The following CTNNA3 variants were observed in gnomAD, a reference collection of about 807,000 sequenced individuals.
CTNNA3 encodes the protein catenin alpha 3.
In CTNNA3, 76 loss-of-function variants were observed where a neutral mutation model predicts 95.7. That is an observed-to-expected ratio of 0.79 (90% CI 0.66 to 0.96). CTNNA3 has a LOEUF of 0.96. CTNNA3 is among the 40% of genes least tolerant of loss of function. The probability of loss-of-function intolerance (pLI) is 0.00; values close to 1 mark genes in which losing one functional copy is unlikely to be tolerated. For missense variants in CTNNA3, 1,191 were observed against 1,089.8 expected (o/e 1.09, Z -1.31); for synonymous variants, 431 against 374.4 (o/e 1.15, Z -1.74).
chr10:66,824,732 C>T (rs1307064136), intron 7 of CTNNA3, among the ~76,000 whole-genome samples: 1 of 152,106 alleles, frequency 6.6e-6, no homozygotes, highest in Non-Finnish European at 1.5e-5. Context: ...CTAACCAGTA[C>T]TCTTCAAAAC....
intron 14 of CTNNA3, among the ~76,000 whole-genome samples, chr10:66,080,216 T>C (rs1458744611): frequency 2.0e-5 from 3 of 152,292 alleles, no homozygotes; most frequent in Middle Eastern, 3.4e-3. Flanking sequence ...TCTGCATTTC[T>C]GATCTCGATC....
intron 11 of CTNNA3, among the ~76,000 whole-genome samples, chr10:66,503,308 C>T (rs962078941): frequency 6.6e-6 from 1 of 151,976 alleles, no homozygotes; most frequent in Admixed American, 6.6e-5. Flanking sequence ...TAGGTGCTCA[C>T]CAAATATTTG....
intron 10 of CTNNA3, among the ~76,000 whole-genome samples, chr10:66,549,137 G>T (rs1279619165): frequency 6.6e-6 from 1 of 151,722 alleles, no homozygotes; most frequent in Non-Finnish European, 1.5e-5. Flanking sequence ...TACAGTACAG[G>T]CGCCCGCCAC....
At chr10:67,535,503 T>A (rs930864188) in intron 4 of CTNNA3, among the ~76,000 whole-genome samples, 1 of 152,072 alleles carries the variant, frequency 6.6e-6, no homozygotes, top group Admixed American at 6.6e-5. Flanking sequence ...AGACCTGGAT[T>A]AGGAGTAGTT....
At chr10:67,706,048 G>C (rs183889339) in intron 1 of CTNNA3, among the ~76,000 whole-genome samples, 1 of 152,242 alleles carries the variant, frequency 6.6e-6, no homozygotes, top group African/African-American at 2.4e-5. Context: ...ATGGCATGCA[G>C]GGGAGGGAAA....
rs1311963505 is a variant in CTNNA3, at chr10:66,360,768, CTT to C, written c.1732+18382_1732+18383del. ...TCTTCCTTCCTTCCTTCCTTCCTTC[CTT>C]TTCTTTCTTTCTTTCTTCCTTCCTT... is the stretch of plus-strand genomic sequence containing the variant. On this transcript the variant is annotated intron_variant, in intron 12 of 17. Coordinates refer to ENST00000433211, the MANE Select transcript of CTNNA3 (RefSeq NM_013266.4). Among the ~76,000 whole-genome samples, 5 of 62,538 alleles carry C rather than the reference CTT, an allele frequency of 8.0e-5. 1 individual carries two copies. The highest frequency in any genetic ancestry group is 1.3e-3 in the East Asian group (1 of 744). The allele number at this position is 62,538 out of a possible 152,430, so 41.0% of individuals were successfully genotyped here. A position where few individuals can be genotyped will look rare whatever the true frequency, so the allele number is the denominator to read the frequency against.
intron 15 of CTNNA3, among the ~76,000 whole-genome samples, chr10:66,028,928 C>T (rs1273386528): frequency 1.3e-5 from 2 of 151,112 alleles, no homozygotes; most frequent in Non-Finnish European, 3.0e-5. Flanking sequence ...AGTGAAAGAA[C>T]AACAAAAAAT....
At chr10:67,484,512 G>A (rs1325306797) in intron 5 of CTNNA3, among the ~76,000 whole-genome samples, 1 of 152,152 alleles carries the variant, frequency 6.6e-6, no homozygotes, top group Non-Finnish European at 1.5e-5. Flanking sequence ...AGAGCAGACA[G>A]ACAATCTACA....
intron 11 of CTNNA3, among the ~76,000 whole-genome samples, chr10:66,388,361 T>G (rs1055364418): frequency 1.3e-5 from 2 of 152,262 alleles, no homozygotes; most frequent in South Asian, 4.1e-4. Context: ...TTGTACAAAC[T>G]ATTTTTTCCC....
intron 5 of CTNNA3, among the ~76,000 whole-genome samples, chr10:67,452,858 G>A (rs1235528641): frequency 6.6e-6 from 1 of 152,202 alleles, no homozygotes; most frequent in Non-Finnish European, 1.5e-5. Context: ...TCAGGGGTCA[G>A]GGGGTAGTTG....
intron 7 of CTNNA3, among the ~76,000 whole-genome samples, chr10:67,096,021 AT>A (rs1310139382): frequency 6.6e-6 from 1 of 151,768 alleles, no homozygotes; most frequent in African/African-American, 2.4e-5. Flanking sequence ...GATATCTTTC[AT>A]TCACGCATCA....
chr10:66,431,782 G>C (rs2093298618), intron 11 of CTNNA3, among the ~76,000 whole-genome samples: 1 of 150,274 alleles, frequency 6.7e-6, no homozygotes, highest in South Asian at 2.1e-4. Context: ...AGCATTAGGA[G>C]ATACACCTAA....
At chr10:65,977,091 T>C (rs931806865) in intron 16 of CTNNA3, among the ~76,000 whole-genome samples, 1 of 152,230 alleles carries the variant, frequency 6.6e-6, no homozygotes, top group African/African-American at 2.4e-5. Context: ...AGAACATTCT[T>C]GCCCTTTACT....
chr10:67,268,431 G>C (rs1445750467), intron 5 of CTNNA3, among the ~76,000 whole-genome samples: 1 of 152,060 alleles, frequency 6.6e-6, no homozygotes, highest in Non-Finnish European at 1.5e-5. Flanking sequence ...TAAGGCAGGA[G>C]GATTGCATGA....
chr10:67,357,396 T>C (rs1842847173), intron 5 of CTNNA3, among the ~76,000 whole-genome samples: 1 of 152,080 alleles, frequency 6.6e-6, no homozygotes, highest in South Asian at 2.1e-4. Flanking sequence ...TCATGATGCA[T>C]ATTAATACAG....
intron 9 of CTNNA3, among the ~76,000 whole-genome samples, chr10:66,739,018 ATACAAAAT>A (rs1390434003): frequency 6.6e-6 from 1 of 152,178 alleles, no homozygotes; most frequent in Non-Finnish European, 1.5e-5. Context: ...GTGGAGGAGG[ATACAAAAT>A]AAATTTCAGT....
In CTNNA3 at chr10:66,366,269, T is replaced by C. The variant is rs117080279; in HGVS notation, c.1732+12883A>G. 9.2e-3 allele frequency among the ~76,000 whole-genome samples: 1,403 copies of C among 152,238 alleles called. 9 individuals are homozygous for C. The highest frequency in any genetic ancestry group is 0.02 in the Middle Eastern group (6 of 294). On this transcript the variant is annotated intron_variant, in intron 12 of 17. Coordinates refer to ENST00000433211, the MANE Select transcript of CTNNA3 (RefSeq NM_013266.4). The stretch of plus-strand genomic sequence containing the variant: ...ATTAACTAATGAGATATAATATGCA[T>C]GTCAGTTAGGTGTAATGTGTAAGTT...
intron 10 of CTNNA3, among the ~76,000 whole-genome samples, chr10:66,562,562 T>A (rs1842585671): frequency 6.6e-6 from 1 of 152,074 alleles, no homozygotes; most frequent in Admixed American, 6.6e-5. Context: ...ACAAGCAATT[T>A]TACTATCCTC....
At chr10:67,752,365 T>C (rs1841412059) in intron 1 of CTNNA3, among the ~76,000 whole-genome samples, 1 of 152,092 alleles carries the variant, frequency 6.6e-6, no homozygotes, top group Admixed American at 6.5e-5. Context: ...ACAGTCAATA[T>C]CATACTAAAT....
Sources: gnomAD v4.1 joint callset for allele counts (sites outside exome capture counted in the v4.1 genomes callset) on GRCh38, gnomAD v4.1.1 for gene constraint, MANE v1.5 for transcripts, NCBI Gene and HGNC (gene_info 2026-07-23, HGNC 2026-07-21) for gene names.